The following ECHDC1 variants were observed in gnomAD, a reference collection of about 807,000 sequenced individuals.
The protein encoded by ECHDC1 is ethylmalonyl-CoA decarboxylase.
Under a neutral mutation model 29.7 loss-of-function variants are expected in ECHDC1, and 29 were observed. The observed-to-expected ratio is 0.98, with a 90% CI of 0.73 to 1.33. The LOEUF (loss-of-function observed/expected upper bound fraction) is 1.33, where lower values mean the gene tolerates loss of function less well. Among genes scored for constraint, ECHDC1 ranks in the 40% most tolerant of loss-of-function variants. The pLI is 0.00. For missense variants in ECHDC1, 328 were observed against 350.0 expected, an observed-to-expected ratio of 0.94 and a Z score of 0.50; for synonymous variants, 126 against 123.1, an observed-to-expected ratio of 1.02 and a Z score of -0.15.
At chr6:127,319,687 T>C (rs976979156) in intron 3 of ECHDC1, among the ~76,000 whole-genome samples, 10 of 152,162 alleles carry the variant, frequency 6.6e-5, no homozygotes, top group African/African-American at 2.4e-4. Context: ...CTAGACCTGC[T>C]CTAATGTATA....
intron 5 of ECHDC1, among the ~76,000 whole-genome samples, chr6:127,311,254 A>G (rs976057823): frequency 6.6e-6 from 1 of 152,204 alleles, no homozygotes; most frequent in African/African-American, 2.4e-5. Context: ...TAAAAGGCAG[A>G]AATTGTCATT....
In ECHDC1 at chr6:127,339,325, G is replaced by C. The variant is rs1016196105; in HGVS notation, c.-3+4011C>G. Among the ~76,000 whole-genome samples the C allele has an allele frequency of 2.7e-5, 4 of 149,812 alleles. No homozygotes were observed. The South Asian group carries it at 8.6e-4, about 32-fold the overall frequency. On this transcript the variant is annotated intron_variant, in intron 1 of 5. Coordinates refer to ENST00000454859, the MANE Select transcript of ECHDC1 (RefSeq NM_001002030.2). ...GCATTTTAGGGGTGATCAGGACAGG[G>C]ACTGCATCTTACAGCTCTTAACGCA... is the stretch of plus-strand genomic sequence containing the variant.
intron 4 of ECHDC1, 110 bp downstream of exon 4, chr6:127,316,340 G>C (rs1782373657): frequency 1.2e-6 from 1 of 863,094 alleles, no homozygotes; most frequent in South Asian, 1.6e-5. Flanking sequence ...CATTAGAATA[G>C]ATGTAATTTG....
chr6:127,316,877 T>C (rs1782427713), intron 3 of ECHDC1, among the ~76,000 whole-genome samples: 1 of 149,416 alleles, frequency 6.7e-6, no homozygotes, highest in East Asian at 2.2e-4. Context: ...GGAAAAGTTA[T>C]GTTAAGCTTT....
intron 5 of ECHDC1, chr6:127,294,499 C>A (rs1780434441): frequency 6.6e-6 from 1 of 152,186 alleles, no homozygotes. Context: ...TCCCTATAAT[C>A]TCACCTTTCT....
Position 127,290,085 on chromosome 6 carries a change from TG to T in ECHDC1, c.689del (p.Ser230Ter). The T allele has an allele frequency of 1.2e-6, 2 of 1,613,754 alleles. No homozygotes were observed. Among genetic ancestry groups the T allele is most frequent in the Non-Finnish European group, 1.7e-6 (2 of 1,179,776 alleles). ...CCTCTTCTAGAGATTTAGTTTCATC[TG>T]AAGACTGCAAGACCTCTTCAACCAT... ...IGMVEEVLQS[S>X]DETKSLEEAQ... On this transcript the variant is annotated frameshift_variant, in exon 6 of 6. Coordinates refer to ENST00000454859, the MANE Select transcript of ECHDC1 (RefSeq NM_001002030.2). LOFTEE classifies it high-confidence loss of function.
rs2114636095 is a variant in ECHDC1 at position 127,319,404 on chromosome 6, T to C, written c.364-2902A>G. Among the ~76,000 whole-genome samples, 4 of 152,340 alleles carry C rather than the reference T, an allele frequency of 2.6e-5. No individual in the cohort carries two copies. The South Asian group carries it at 8.3e-4, about 32-fold the overall frequency. On this transcript the variant is annotated intron_variant, in intron 3 of 5. Coordinates refer to ENST00000454859, the MANE Select transcript of ECHDC1 (RefSeq NM_001002030.2). ...CAGTGTCTGACATACAGTAAGAGAA[T>C]AAAAGTTATCTATCATTATTATTAA...
At chr6:127,294,039 G>A (rs759619534) in intron 5 of ECHDC1, among the ~76,000 whole-genome samples, 5 of 152,144 alleles carry the variant, frequency 3.3e-5, no homozygotes, top group Non-Finnish European at 5.9e-5. Flanking sequence ...GCAGAAGATT[G>A]CAAGCTGATC....
intron 4 of ECHDC1, 69 bp from the exon 5 acceptor site, chr6:127,314,965 T>TA (rs767323362): frequency 4.9e-6 from 7 of 1,434,566 alleles, no homozygotes; most frequent in Non-Finnish European, 5.8e-6. Flanking sequence ...TGTTATTTTT[T>TA]AAAAAATCTT....
intron 3 of ECHDC1, among the ~76,000 whole-genome samples, chr6:127,316,843 A>G (rs1241208475): frequency 6.6e-6 from 1 of 152,118 alleles, no homozygotes; most frequent in Non-Finnish European, 1.5e-5. Context: ...GATGATAAAC[A>G]TATAAGAGAA....
chr6:127,339,013 T>C (rs1016660711), intron 1 of ECHDC1, among the ~76,000 whole-genome samples: 6 of 152,162 alleles, frequency 3.9e-5, no homozygotes, highest in Non-Finnish European at 7.3e-5. Context: ...CAGGAAACTT[T>C]TTCTTTTTAA....
chr6:127,290,475 G>A (rs1780064852), intron 5 of ECHDC1, among the ~76,000 whole-genome samples, 198 bp from the exon 6 acceptor site: 1 of 151,924 alleles, frequency 6.6e-6, no homozygotes, highest in African/African-American at 2.4e-5. Context: ...TTTGAAAACA[G>A]TATCATTTTT....
At chr6:127,331,737 C>T (rs1469977829) in intron 1 of ECHDC1, 1 of 748,762 alleles carries the variant, frequency 1.3e-6, no homozygotes, top group Non-Finnish European at 1.6e-6. Flanking sequence ...TAAATATAGT[C>T]CAAGTGTCCC....
chr6:127,294,691 T>A (rs1780451471), intron 5 of ECHDC1: 1 of 152,140 alleles, frequency 6.6e-6, no homozygotes. Flanking sequence ...CATTTAGTAA[T>A]CCTGGCATGA....
At chr6:127,336,484 AG>A (rs1194410636) in intron 1 of ECHDC1, among the ~76,000 whole-genome samples, 1 of 152,182 alleles carries the variant, frequency 6.6e-6, no homozygotes, top group African/African-American at 2.4e-5. Context: ...GCTTTCCCAA[AG>A]GGAAGTAAAA....
intron 5 of ECHDC1, among the ~76,000 whole-genome samples, chr6:127,291,607 G>A (rs1206397084): frequency 2.6e-5 from 4 of 152,096 alleles, no homozygotes; most frequent in African/African-American, 9.7e-5. Context: ...ACGCCCATGC[G>A]TTTTATTTTG....
chr6:127,331,447 C>T (rs919087522), intron 1 of ECHDC1, among the ~76,000 whole-genome samples: 11 of 152,084 alleles, frequency 7.2e-5, no homozygotes, highest in Admixed American at 6.6e-4. Context: ...CATCTGGCCA[C>T]TTCCCCATTT....
intron 4 of ECHDC1, chr6:127,315,812 T>C (rs1782318375): frequency 2.5e-6 from 1 of 400,656 alleles, no homozygotes; most frequent in South Asian, 2.0e-5. Flanking sequence ...TAATGTCCAA[T>C]TAATAACCTT....
chr6:127,322,021 A>T (rs1473488324), intron 3 of ECHDC1, among the ~76,000 whole-genome samples: 1 of 151,020 alleles, frequency 6.6e-6, no homozygotes, highest in African/African-American at 2.4e-5. Context: ...CAAACAAAAA[A>T]GTAGCTAGGC....
Sources: gnomAD v4.1 joint callset for allele counts (sites outside exome capture counted in the v4.1 genomes callset) on GRCh38, gnomAD v4.1.1 for gene constraint, MANE v1.5 for transcripts, NCBI Gene and HGNC (gene_info 2026-07-23, HGNC 2026-07-21) for gene names.